Variants in CAST observed in about 807,000 individuals in gnomAD.
The protein encoded by CAST is calpastatin.
A neutral mutation model predicts 119.6 loss-of-function variants in CAST; 76 were observed. That is an observed-to-expected ratio of 0.64 (90% CI 0.53 to 0.77). The LOEUF is 0.77. Ranked by LOEUF, CAST falls within the 30% of genes least tolerant of loss-of-function variation. The probability of loss-of-function intolerance (pLI) is 0.00; values close to 1 mark genes in which losing one functional copy is unlikely to be tolerated. For synonymous variants in CAST, 319 were observed against 331.6 expected, an observed-to-expected ratio of 0.96 and a Z score of 0.41; for missense variants, 953 against 946.5, an observed-to-expected ratio of 1.01 and a Z score of -0.09.
the CAST span, among the ~76,000 whole-genome samples, chr5:96,188,045 C>T: frequency 6.6e-6 from 1 of 152,176 alleles, no homozygotes; most frequent in East Asian, 1.9e-4. Context: ...CCTGGGACTG[C>T]CACATTCTCC....
At chr5:96,262,622 C>T in the CAST span, among the ~76,000 whole-genome samples, 5 of 152,048 alleles carry the variant, frequency 3.3e-5, no homozygotes, top group East Asian at 9.7e-4. Context: ...CTCTGCCTCC[C>T]GGGTTCATGC....
chr5:96,715,362 C>G (rs1235378425), intron 3 of CAST, among the ~76,000 whole-genome samples: 1 of 152,146 alleles, frequency 6.6e-6, no homozygotes, highest in Non-Finnish European at 1.5e-5. Context: ...CAGCCTCTAT[C>G]TACACATTTT....
At chr5:96,116,963 G>A in the CAST span, among the ~76,000 whole-genome samples, 1 of 152,114 alleles carries the variant, frequency 6.6e-6, no homozygotes, top group Admixed American at 6.5e-5. Context: ...CTTTCCACAT[G>A]GCAACTTGAA....
At chr5:96,242,048 T>C in the CAST span, among the ~76,000 whole-genome samples, 1 of 146,622 alleles carries the variant, frequency 6.8e-6, no homozygotes, top group East Asian at 2.0e-4. Flanking sequence ...TCTTTTGCTG[T>C]GCAGAAGCTC....
chr5:96,635,971 A>T (rs1480593176), intron 1 of CAST, among the ~76,000 whole-genome samples: 1 of 152,182 alleles, frequency 6.6e-6, no homozygotes, highest in African/African-American at 2.4e-5. Flanking sequence ...TTTCCATTTC[A>T]TCTAGGAATA....
chr5:96,470,206 C>T, the CAST span, among the ~76,000 whole-genome samples: 2 of 151,530 alleles, frequency 1.3e-5, no homozygotes, highest in Non-Finnish European at 2.9e-5. Flanking sequence ...CACACACACA[C>T]ACACGCACAG....
the CAST span, chr5:96,078,992 C>G: frequency 2.5e-6 from 1 of 399,666 alleles, no homozygotes; most frequent in Non-Finnish European, 5.0e-6. Flanking sequence ...GGGTTCTAGA[C>G]TTAATACCTG....
intron 1 of CAST, among the ~76,000 whole-genome samples, chr5:96,574,618 A>G (rs1746633983): frequency 6.6e-6 from 1 of 152,148 alleles, no homozygotes; most frequent in South Asian, 2.1e-4. Context: ...GCCTAGCCCT[A>G]ATTCTCAAAT....
rs574816726 is a variant in CAST at position 96,675,577 on chromosome 5, A to G, written c.114A>G (p.Pro38=). The change falls in exon 2 of 32, where the codon CCA becomes CCG. Residue 38 remains proline, a synonymous_variant. Coordinates refer to ENST00000675179, the MANE Select transcript of CAST (RefSeq NM_001750.7). ...AAACCAGTGAATCGCCTTCCAAACC[A>G]GGAGAAAAGAAAGGATCAGATGAGG... is the stretch of plus-strand genomic sequence containing the variant. ...SEKTSESPSK[P]GEKKGSDEKK... 7 of 1,613,530 alleles carry G rather than the reference A, an allele frequency of 4.3e-6. No homozygotes were observed. In the African/African-American group the frequency reaches 8.0e-5, roughly 18 times the overall value.
chr5:96,157,323 T>C, the CAST span, among the ~76,000 whole-genome samples: 3 of 152,328 alleles, frequency 2.0e-5, no homozygotes, highest in Middle Eastern at 3.4e-3. Flanking sequence ...ATTTCTAAGA[T>C]CCTCCAGCTT....
At chr5:96,127,962 T>C in the CAST span, among the ~76,000 whole-genome samples, 1 of 152,152 alleles carries the variant, frequency 6.6e-6, no homozygotes, top group Non-Finnish European at 1.5e-5. Context: ...CTCTACAGAT[T>C]AATTTTTGTT....
intron 1 of CAST, among the ~76,000 whole-genome samples, chr5:96,565,795 C>G (rs1390963804): frequency 6.6e-6 from 1 of 152,202 alleles, no homozygotes; most frequent in Non-Finnish European, 1.5e-5. Flanking sequence ...GGAATACCTG[C>G]TCTCCTACAG....
the CAST span, among the ~76,000 whole-genome samples, chr5:96,146,187 CT>C: frequency 1.3e-5 from 2 of 152,098 alleles, no homozygotes; most frequent in Non-Finnish European, 2.9e-5. Context: ...CAATTAATCA[CT>C]GTAAAAGCTG....
chr5:96,547,983 C>T (rs1746049642), intron 1 of CAST, among the ~76,000 whole-genome samples: 1 of 112,228 alleles, frequency 8.9e-6, no homozygotes, highest in African/African-American at 3.3e-5. Flanking sequence ...CAAATAAATA[C>T]AATGTAAGTC....
chr5:96,213,792 A>G, the CAST span: 3 of 152,022 alleles, frequency 2.0e-5, no homozygotes, highest in Admixed American at 6.6e-5. Context: ...CCTTGTCTCT[A>G]AAAGAGAAAA....
chr5:96,452,631 A>T, the CAST span, among the ~76,000 whole-genome samples: 1 of 122,066 alleles, frequency 8.2e-6, no homozygotes, highest in Non-Finnish European at 1.7e-5. Context: ...TCCAGAACTT[A>T]AAGTATAATA....
the CAST span, among the ~76,000 whole-genome samples, chr5:96,034,382 T>A: frequency 6.6e-6 from 1 of 150,858 alleles, no homozygotes; most frequent in African/African-American, 2.4e-5. Flanking sequence ...ACAGCCATTA[T>A]GGAAAACAGT....
At chr5:96,382,326 A>G in the CAST span, among the ~76,000 whole-genome samples, 1 of 152,126 alleles carries the variant, frequency 6.6e-6, no homozygotes, top group African/African-American at 2.4e-5. Flanking sequence ...CTACTACTGT[A>G]TTTCCCTCTC....
the CAST span, among the ~76,000 whole-genome samples, chr5:96,017,471 G>C: frequency 2.0e-5 from 3 of 152,130 alleles, no homozygotes; most frequent in Non-Finnish European, 1.5e-5. Context: ...GTTTTCCTCA[G>C]ACCTTCTTAT....
Sources: allele counts gnomAD v4.1 joint callset (sites outside exome capture counted in the v4.1 genomes callset), GRCh38; gene constraint gnomAD v4.1.1; transcripts MANE v1.5; gene names NCBI Gene and HGNC (gene_info 2026-07-23, HGNC 2026-07-21).